Variants in BICRA observed in about 807,000 individuals in gnomAD.
The protein encoded by BICRA is BRD4 interacting chromatin remodeling complex associated protein, also known as BRD4-interacting chromatin-remodeling complex-associated protein.
Under a neutral mutation model 96.9 loss-of-function variants are expected in BICRA, and 31 were observed. The observed-to-expected ratio is 0.32, with a 90% confidence interval of 0.24 to 0.43. The LOEUF (loss-of-function observed/expected upper bound fraction) is 0.43, where lower values mean the gene tolerates loss of function less well. Among genes scored for constraint, BICRA ranks in the 20% least tolerant of loss-of-function variants. The pLI, the probability that BICRA is intolerant of heterozygous loss-of-function variation, is 1.00. For missense variants in BICRA, 2,283 were observed against 2,190.3 expected (o/e 1.04, Z -0.84); for synonymous variants, 1,350 against 1,071.8 (o/e 1.26, Z -5.07).
chr19:47,608,524 C>A (rs1439258311), upstream of BICRA: 1 of 152,246 alleles, frequency 6.6e-6, no homozygotes, highest in Non-Finnish European at 1.5e-5. Context: ...GCCCAGGACG[C>A]ACGGCGCCCC....
chr19:47,614,949 G>C (rs980151567), intron 1 of BICRA, among the ~76,000 whole-genome samples: 3 of 152,186 alleles, frequency 2.0e-5, no homozygotes, highest in Non-Finnish European at 4.4e-5. Flanking sequence ...TCTTTTGGTA[G>C]CTCTTACGGA....
chr19:47,614,114 G>C (rs957837913), intron 1 of BICRA, among the ~76,000 whole-genome samples: 7 of 151,930 alleles, frequency 4.6e-5, no homozygotes, highest in African/African-American at 1.7e-4. Flanking sequence ...ATTCTGTCTG[G>C]GTGGTCTGAG....
In BICRA at chr19:47,702,787, CTG is replaced by C. The variant is rs1247524597; in HGVS notation, c.*377_*378del. The stretch of plus-strand genomic sequence containing the variant: ...CCAACGCTCCGGGTGCCTGTCTTGT[CTG>C]TGTGGCTTCTCAGATGGTGGAGGGT... On this transcript the variant is annotated 3_prime_UTR_variant, in exon 15 of 15. Transcript: ENST00000594866. 3.7e-6 allele frequency: 1 copy of C among 267,212 alleles called. No individual in the cohort carries two copies. Among genetic ancestry groups the C allele is most frequent in the African/African-American group, 2.3e-5 (1 of 43,422 alleles). 16.6% of individuals were successfully genotyped at this position (267,212 alleles called of 1,614,324 possible). A position where few individuals can be genotyped will look rare whatever the true frequency, so the allele number is the denominator to read the frequency against.
rs997852836 is a variant in BICRA at position 47,684,516 on chromosome 19, C to T, written c.2283+2364C>T. 2.0e-5 allele frequency among the ~76,000 whole-genome samples: 3 copies of T among 152,144 alleles called. No homozygotes were observed. The East Asian group carries it at 5.8e-4, about 29-fold the overall frequency. The stretch of plus-strand genomic sequence containing the variant: ...TATTTTTAGTAGAGAGATGGGGTTT[C>T]GCCATGTTGGCCAGGCTGGTCTCAA... On this transcript the variant is annotated intron_variant, in intron 7 of 14. Transcript: ENST00000594866.
Position 47,695,229 on chromosome 19 carries a change from G to T in BICRA, c.3077-136G>T, listed in dbSNP as rs976843009. ...AAGGGACACAGGAAGGCCAGAGGTG[G>T]CAGGGCTGGCCCCAGATTTGAAGGG... On this transcript the variant is annotated intron_variant, in intron 9 of 14. Transcript: ENST00000594866. 17 of 758,728 alleles carry T rather than the reference G, an allele frequency of 2.2e-5. No homozygotes were observed. The South Asian group carries it at 2.9e-4, about 13-fold the overall frequency. 47.0% of individuals were successfully genotyped at this position (758,728 alleles called of 1,614,324 possible). A position where few individuals can be genotyped will look rare whatever the true frequency, so the allele number is the denominator to read the frequency against.
chr19:47,655,748 C>A (rs1223690652), intron 1 of BICRA, among the ~76,000 whole-genome samples: 7 of 144,556 alleles, frequency 4.8e-5, no homozygotes, highest in Admixed American at 2.1e-4. Context: ...CCCAGCTACT[C>A]GGGAGGCTGA....
At chr19:47,643,013 A>C (rs1972406351) in intron 1 of BICRA, among the ~76,000 whole-genome samples, 1 of 152,378 alleles carries the variant, frequency 6.6e-6, no homozygotes, top group African/African-American at 2.4e-5. Flanking sequence ...GTCTCGCTCC[A>C]GGCTGGAGTG....
intron 1 of BICRA, among the ~76,000 whole-genome samples, chr19:47,612,703 T>C (rs1030486396): frequency 1.3e-5 from 2 of 151,130 alleles, no homozygotes; most frequent in African/African-American, 4.9e-5. Context: ...ACAGGTGATC[T>C]TGCCATTTTA....
Position 47,679,933 on chromosome 19 carries a change from A to G in BICRA, c.763A>G (p.Lys255Glu). Residue 255 changes from lysine to glutamate, a missense_variant, in exon 6 of 15, where the codon AAG becomes GAG. Transcript: ENST00000594866. ...LNTPTSQLLAKQVPVSGYLAS... is the reference protein window; with the variant it reads ...LNTPTSQLLAEQVPVSGYLAS... ...CACGCCCACCTCCCAGCTCCTGGCC[A>G]AGCAGGTGCCCGTCAGCGGCTACCT... 1 of 1,513,242 alleles carries G rather than the reference A, an allele frequency of 6.6e-7. No homozygotes were observed. Among genetic ancestry groups the G allele is most frequent in the Non-Finnish European group, 8.8e-7 (1 of 1,137,526 alleles). The allele number at this position is 1,513,242 out of a possible 1,614,324, so 93.7% of individuals were successfully genotyped here.
At chr19:47,654,791 A>G (rs372468153) in intron 1 of BICRA, among the ~76,000 whole-genome samples, 3,000 of 17,768 alleles carry the variant, frequency 0.17, 84 homozygotes, top group African/African-American at 0.41. Context: ...CATCTCTATG[A>G]AAAAAAAAAA....
At chr19:47,624,991 G>A (rs1400888633) in intron 1 of BICRA, among the ~76,000 whole-genome samples, 7 of 113,032 alleles carry the variant, frequency 6.2e-5, no homozygotes, top group Non-Finnish European at 1.3e-4. Context: ...ACTGCACCTG[G>A]CTTTTTTTTT....
At chr19:47,644,419 G>A (rs1289931573) in intron 1 of BICRA, among the ~76,000 whole-genome samples, 1 of 141,952 alleles carries the variant, frequency 7.0e-6, no homozygotes, top group African/African-American at 2.7e-5. Flanking sequence ...CTCCTTCCTT[G>A]CTTCCTCCCT....
rs1237907842 is a variant in BICRA at position 47,681,123 on chromosome 19, C to T, written c.1953C>T (p.Pro651=). 2.7e-6 allele frequency: 4 copies of T among 1,489,296 alleles called. No individual in the cohort carries two copies. The highest frequency in any genetic ancestry group is 2.5e-5 in the East Asian group (1 of 40,144). 92.3% of individuals were successfully genotyped at this position (1,489,296 alleles called of 1,614,324 possible). A position where few individuals can be genotyped will look rare whatever the true frequency, so the allele number is the denominator to read the frequency against. ...QPQAQQPPQA[P]TPQAAAPPQA... is the part of the protein sequence containing the mutation. ...AGGCGCAGCAGCCCCCGCAGGCCCC[C>T]ACCCCACAGGCCGCCGCCCCGCCTC... The change falls in exon 6 of 15, where the codon CCC becomes CCT. Residue 651 remains proline (P), a synonymous_variant. Coordinates refer to ENST00000594866, the MANE Select transcript of BICRA (RefSeq NM_001394372.1).
At chr19:47,641,754 G>A (rs1017877192) in intron 1 of BICRA, among the ~76,000 whole-genome samples, 2 of 152,128 alleles carry the variant, frequency 1.3e-5, no homozygotes, top group Non-Finnish European at 2.9e-5. Flanking sequence ...AATTTTGATA[G>A]TGATTACATT....
intron 1 of BICRA, among the ~76,000 whole-genome samples, chr19:47,629,721 G>A (rs1232480527): frequency 3.3e-5 from 5 of 151,968 alleles, no homozygotes; most frequent in Non-Finnish European, 5.9e-5. Flanking sequence ...ACAGTGGTGC[G>A]ATCTCGACTC....
intron 6 of BICRA, among the ~76,000 whole-genome samples, chr19:47,681,754 G>A (rs1041787604): frequency 3.9e-5 from 6 of 152,164 alleles, no homozygotes; most frequent in Non-Finnish European, 8.8e-5. Flanking sequence ...TGGGGCAGGA[G>A]AGAGGCAGGG....
intron 1 of BICRA, among the ~76,000 whole-genome samples, chr19:47,659,685 T>TATACACACACAC (rs1369334077): frequency 3.0e-5 from 4 of 132,414 alleles, no homozygotes; most frequent in Non-Finnish European, 4.9e-5. Flanking sequence ...TGGTGGTGCA[T>TATACACACACAC]ACACACACAC....
chr19:47,672,867 C>T (rs1306224228), intron 2 of BICRA, among the ~76,000 whole-genome samples: 1 of 152,070 alleles, frequency 6.6e-6, no homozygotes, highest in African/African-American at 2.4e-5. Flanking sequence ...GACCATAGGG[C>T]TCAGCCTTGC....
chr19:47,628,145 T>C (rs776636096), intron 1 of BICRA, among the ~76,000 whole-genome samples: 3 of 152,202 alleles, frequency 2.0e-5, no homozygotes, highest in African/African-American at 7.2e-5. Context: ...TTGTCATTGC[T>C]GGTTGCTATT....
Sources: allele counts gnomAD v4.1 joint callset (sites outside exome capture counted in the v4.1 genomes callset), GRCh38; gene constraint gnomAD v4.1.1; transcripts MANE v1.5; gene names NCBI Gene and HGNC (gene_info 2026-07-23, HGNC 2026-07-21).